SNTG2: variants seen among roughly 807,000 people sequenced by gnomAD.
SNTG2 encodes the protein syntrophin gamma 2.
A neutral mutation model predicts 70.9 loss-of-function variants in SNTG2; 74 were observed. The ratio of observed to expected loss-of-function variants is 1.04; its 90% CI spans 0.86 to 1.27. The LOEUF is 1.27. SNTG2 is among the 50% of genes most tolerant of loss of function. The pLI is 0.00. For synonymous variants in SNTG2, 278 were observed against 273.8 expected, an observed-to-expected ratio of 1.02 and a Z score of -0.15; for missense variants, 717 against 690.7, an observed-to-expected ratio of 1.04 and a Z score of -0.43.
At chr2:1,338,769 TTGA>T (rs1292493987) in intron 16 of SNTG2, among the ~76,000 whole-genome samples, 1 of 152,236 alleles carries the variant, frequency 6.6e-6, no homozygotes, top group African/African-American at 2.4e-5. Flanking sequence ...TCAATATTTG[TTGA>T]TGAGCACTCT....
chr2:966,962 C>CAA (rs571753944), intron 1 of SNTG2, among the ~76,000 whole-genome samples: 18 of 131,514 alleles, frequency 1.4e-4, no homozygotes, highest in African/African-American at 5.5e-4. Flanking sequence ...AACAAACAAA[C>CAA]AAACAAAAAA....
chr2:1,177,701 AAG>A (rs35420620), intron 8 of SNTG2, among the ~76,000 whole-genome samples: 29,590 of 151,998 alleles, frequency 0.19, 3,245 homozygotes, highest in African/African-American at 0.32. Context: ...TCTGACAAAA[AAG>A]AGATAATTAT....
intron 1 of SNTG2, among the ~76,000 whole-genome samples, chr2:979,094 A>G (rs1429181543): frequency 6.6e-6 from 1 of 152,268 alleles, no homozygotes; most frequent in Non-Finnish European, 1.5e-5. Context: ...GAAAATGGAA[A>G]TCAAATGGAA....
rs531342383 is a variant in SNTG2 at position 1,237,834 on chromosome 2, G to A, written c.720-54G>A. The A allele has an allele frequency of 5.8e-6, 9 of 1,548,034 alleles. No individual in the cohort carries two copies. The African/African-American group carries it at 1.1e-4, about 19-fold the overall frequency. On this transcript the variant is annotated intron_variant, in intron 9 of 16. Transcript: ENST00000308624. Reference sequence around the variant, plus strand: ...AGCATCAGCCTCGAAACTCACGGAGGCAGGCCCGCTCCCGTCGCTGCGGGG... The same window carrying A: ...AGCATCAGCCTCGAAACTCACGGAGACAGGCCCGCTCCCGTCGCTGCGGGG...
intron 16 of SNTG2, among the ~76,000 whole-genome samples, chr2:1,322,264 C>T (rs1252217180): frequency 6.6e-6 from 1 of 152,166 alleles, no homozygotes; most frequent in Non-Finnish European, 1.5e-5. Context: ...ACTTCACTTG[C>T]AGCAGGGGCA....
chr2:960,553 C>T (rs144308514), intron 1 of SNTG2, among the ~76,000 whole-genome samples: 82 of 152,168 alleles, frequency 5.4e-4, no homozygotes, highest in African/African-American at 1.3e-3. Flanking sequence ...CTGAGGGTTC[C>T]GGGGCACGGC....
At chr2:1,080,441 G>A (rs904142868) in intron 1 of SNTG2, among the ~76,000 whole-genome samples, 1 of 152,178 alleles carries the variant, frequency 6.6e-6, no homozygotes, top group Non-Finnish European at 1.5e-5. Context: ...GCTGACCTCA[G>A]CATATTGATA....
intron 14 of SNTG2, among the ~76,000 whole-genome samples, chr2:1,287,334 C>T (rs779336668): frequency 1.3e-5 from 2 of 152,192 alleles, no homozygotes; most frequent in African/African-American, 2.4e-5. Context: ...GTGGATGCAG[C>T]GGGTGCTCCT....
chr2:1,134,744 G>A (rs1021001511), intron 4 of SNTG2, among the ~76,000 whole-genome samples: 5 of 152,312 alleles, frequency 3.3e-5, no homozygotes, highest in Non-Finnish European at 7.3e-5. Flanking sequence ...GCCATTGGGT[G>A]GTTGATGGGA....
chr2:1,224,059 G>A (rs968507900), intron 9 of SNTG2, among the ~76,000 whole-genome samples: 6 of 152,220 alleles, frequency 3.9e-5, no homozygotes, highest in African/African-American at 1.2e-4. Flanking sequence ...CCTTCTCTCT[G>A]TGTCTCCCTG....
chr2:961,064 G>T (rs1660333809), intron 1 of SNTG2, among the ~76,000 whole-genome samples: 1 of 152,290 alleles, frequency 6.6e-6, no homozygotes, highest in South Asian at 2.1e-4. Context: ...ACCATTTTCT[G>T]TTGATATAAA....
chr2:1,137,787 A>C lies in SNTG2; in HGVS notation c.389A>C (p.Glu130Ala). Residue 130 changes from glutamate to alanine, a missense_variant, in exon 6 of 17, where the codon GAA (glutamate) becomes GCA (alanine). Coordinates refer to ENST00000308624, the MANE Select transcript of SNTG2 (RefSeq NM_018968.4). The stretch of plus-strand genomic sequence containing the variant: ...GTTCAGGTTAATGGCATACATGTAG[A>C]AAATGCAACTCATGAAGAAGTGGTA... ...AVLQVNGIHV[E>A]NATHEEVVHL... The C allele has an allele frequency of 6.2e-7, 1 of 1,613,394 alleles. No individual in the cohort carries two copies. Among genetic ancestry groups the C allele is most frequent in the Non-Finnish European group, 8.5e-7 (1 of 1,179,632 alleles).
At chr2:1,336,051 A>C (rs1378631220) in intron 16 of SNTG2, among the ~76,000 whole-genome samples, 1 of 152,214 alleles carries the variant, frequency 6.6e-6, no homozygotes, top group African/African-American at 2.4e-5. Context: ...ATTAGTCTTG[A>C]AATTAAAATA....
In SNTG2 at chr2:1,267,425, G is replaced by C. The variant is rs1285792310; in HGVS notation, c.1138G>C (p.Asp380His). The C allele has an allele frequency of 1.2e-6, 2 of 1,612,060 alleles. No homozygotes were observed. Among genetic ancestry groups the C allele is most frequent in the South Asian group, 2.2e-5 (2 of 90,458 alleles). ...ANLYLGLQDF[D>H]FEDQRPYCFS... ...CTTGTATCTGGGTCTTCAAGATTTTGACTTTGAGGACCAGAGGCCCTATTG... is the reference window on the plus strand; with the variant it reads ...CTTGTATCTGGGTCTTCAAGATTTTCACTTTGAGGACCAGAGGCCCTATTG... Residue 380 changes from aspartate (D) to histidine (H), a missense_variant, in exon 14 of 17, where the codon GAC becomes CAC. Coordinates refer to ENST00000308624, the MANE Select transcript of SNTG2 (RefSeq NM_018968.4).
At chr2:1,210,526 G>C (rs565890426) in intron 9 of SNTG2, 10 of 152,262 alleles carry the variant, frequency 6.6e-5, no homozygotes, top group African/African-American at 2.2e-4. Context: ...TGAAAGATAT[G>C]ACTCACGTGT....
At chr2:1,182,351 T>TA (rs1259848034) in intron 8 of SNTG2, among the ~76,000 whole-genome samples, 1 of 60,458 alleles carries the variant, frequency 1.7e-5, no homozygotes, top group Non-Finnish European at 3.5e-5. Flanking sequence ...TTTTCTAACT[T>TA]AAAAATTTCA....
chr2:1,069,017 A>G (rs1314313386), intron 1 of SNTG2, among the ~76,000 whole-genome samples: 1 of 152,210 alleles, frequency 6.6e-6, no homozygotes, highest in Non-Finnish European at 1.5e-5. Context: ...GAAAGACGGA[A>G]TTTGTAATAA....
intron 1 of SNTG2, among the ~76,000 whole-genome samples, chr2:1,005,898 CTTTATT>C (rs1202722058): frequency 3.6e-5 from 4 of 112,144 alleles, no homozygotes; most frequent in African/African-American, 1.0e-4. Flanking sequence ...GCTCTTGAGA[CTTTATT>C]TTTATATTAT....
At chr2:1,172,207 A>T (rs1671171876) in intron 7 of SNTG2, among the ~76,000 whole-genome samples, 1 of 152,044 alleles carries the variant, frequency 6.6e-6, no homozygotes, top group African/African-American at 2.4e-5. Flanking sequence ...TCCTCTTTCC[A>T]GGCACTCAGG....
Sources: gnomAD v4.1 joint callset for allele counts (sites outside exome capture counted in the v4.1 genomes callset) on GRCh38, gnomAD v4.1.1 for gene constraint, MANE v1.5 for transcripts, NCBI Gene and HGNC (gene_info 2026-07-23, HGNC 2026-07-21) for gene names.